IGSF11: variants seen among roughly 807,000 people sequenced by gnomAD.
The protein encoded by IGSF11 is CXADR like 1.
Under a neutral mutation model 41.0 loss-of-function variants are expected in IGSF11, and 22 were observed. That is an observed-to-expected ratio of 0.54 (90% CI 0.38 to 0.77). The LOEUF (loss-of-function observed/expected upper bound fraction) is 0.77, where lower values mean the gene tolerates loss of function less well. Among genes scored for constraint, IGSF11 ranks in the 30% least tolerant of loss-of-function variants. The pLI, the probability that IGSF11 is intolerant of heterozygous loss-of-function variation, is 0.00. For synonymous variants in IGSF11, 219 were observed against 201.3 expected (o/e 1.09, Z -0.74); for missense variants, 444 against 530.8 (o/e 0.84, Z 1.61).
chr3:119,091,994 G>GC (rs1491453835), intron 1 of IGSF11, among the ~76,000 whole-genome samples: 2 of 24,332 alleles, frequency 8.2e-5, no homozygotes, highest in Non-Finnish European at 2.0e-4. Context: ...TGGTTTTTTT[G>GC]GGGGGGGGGG....
At chr3:119,126,570 G>T (rs970542035) in intron 1 of IGSF11, among the ~76,000 whole-genome samples, 1 of 152,184 alleles carries the variant, frequency 6.6e-6, no homozygotes, top group Admixed American at 6.5e-5. Context: ...AACTGGGTGA[G>T]GCACTCCAAC....
chr3:118,935,122 T>C (rs532481334), intron 1 of IGSF11, among the ~76,000 whole-genome samples: 2 of 151,540 alleles, frequency 1.3e-5, no homozygotes, highest in East Asian at 3.9e-4. Context: ...CAAATCCTCA[T>C]TAGTATACTG....
chr3:119,087,093 G>A (rs1029910928), intron 1 of IGSF11, among the ~76,000 whole-genome samples: 1 of 152,132 alleles, frequency 6.6e-6, no homozygotes, highest in Non-Finnish European at 1.5e-5. Context: ...AAAAGAGCAG[G>A]AGTTGCTATT....
chr3:118,910,521 C>G (rs982969097), intron 4 of IGSF11, among the ~76,000 whole-genome samples: 2 of 152,188 alleles, frequency 1.3e-5, no homozygotes, highest in East Asian at 1.9e-4. Context: ...ATTAACAAAG[C>G]CTTCCATTTA....
chr3:119,083,391 C>T (rs1270857024), intron 1 of IGSF11, among the ~76,000 whole-genome samples: 2 of 152,110 alleles, frequency 1.3e-5, no homozygotes, highest in Non-Finnish European at 2.9e-5. Context: ...GCATGGGCCA[C>T]TGCACCTGGT....
At chr3:118,930,330 C>T in intron 1 of IGSF11, 55 bp from the exon 2 acceptor site, 1 of 1,521,780 alleles carries the variant, frequency 6.6e-7, no homozygotes, top group East Asian at 2.3e-5. Context: ...ACAGTCCAAA[C>T]TCCTTCAGGA....
intron 4 of IGSF11, among the ~76,000 whole-genome samples, chr3:118,924,606 A>G (rs1942124869): frequency 6.6e-6 from 1 of 152,152 alleles, no homozygotes; most frequent in Non-Finnish European, 1.5e-5. Flanking sequence ...TGCAAAGAGT[A>G]TTCAAGTTGA....
chr3:119,020,399 A>G (rs1576662421), intron 1 of IGSF11, among the ~76,000 whole-genome samples: 1 of 152,144 alleles, frequency 6.6e-6, no homozygotes, highest in East Asian at 1.9e-4. Flanking sequence ...CAGCATACAG[A>G]CTCCAAAGAA....
At chr3:119,007,609 C>A (rs1429309414) in intron 1 of IGSF11, among the ~76,000 whole-genome samples, 2 of 152,064 alleles carry the variant, frequency 1.3e-5, no homozygotes, top group Admixed American at 1.3e-4. Context: ...CTCAGAGTAT[C>A]CACTTTTTCA....
At chr3:119,024,755 T>C (rs573653929) in intron 1 of IGSF11, among the ~76,000 whole-genome samples, 4 of 152,150 alleles carry the variant, frequency 2.6e-5, no homozygotes, top group Non-Finnish European at 4.4e-5. Flanking sequence ...TAACCTAGTA[T>C]AGTTAAAATT....
chr3:118,994,383 A>C (rs1296083162), intron 1 of IGSF11, among the ~76,000 whole-genome samples: 5 of 152,218 alleles, frequency 3.3e-5, no homozygotes, highest in African/African-American at 1.2e-4. Context: ...GGGGCTGGGC[A>C]CAGTGGCTCA....
intron 1 of IGSF11, among the ~76,000 whole-genome samples, chr3:119,023,804 A>G (rs981498921): frequency 2.1e-4 from 32 of 152,220 alleles, no homozygotes; most frequent in African/African-American, 7.7e-4. Flanking sequence ...AGAGAATCTG[A>G]GCTGAGAACT....
At chr3:119,039,650 ATCT>A (rs1178297321), upstream of IGSF11, among the ~76,000 whole-genome samples, 4 of 152,094 alleles carry the variant, frequency 2.6e-5, no homozygotes, top group African/African-American at 7.2e-5. Flanking sequence ...CTCTGACCAC[ATCT>A]TCTGTTTTTC....
In IGSF11 at chr3:118,928,394, G is replaced by A. The variant is rs115544273; in HGVS notation, c.424+115C>T. The stretch of plus-strand genomic sequence containing the variant: ...GAGAGAAGAGATGGAACTGAGAGAA[G>A]ACAGAAAAAGAACATAAGCAGACTG... On this transcript the variant is annotated intron_variant, in intron 3 of 6. Coordinates refer to ENST00000393775, the MANE Select transcript of IGSF11 (RefSeq NM_001015887.3). The A allele has an allele frequency of 4.2e-6, 3 of 715,292 alleles. No homozygotes were observed. The Admixed American group carries it at 7.6e-5, about 18-fold the overall frequency. The allele number at this position is 715,292 out of a possible 1,614,324, so 44.3% of individuals were successfully genotyped here.
chr3:118,926,379 G>T, intron 3 of IGSF11, 123 bp from the exon 4 acceptor site: 1 of 757,574 alleles, frequency 1.3e-6, no homozygotes, highest in Non-Finnish European at 2.0e-6. Context: ...CATATACCAG[G>T]AGACAGACTC....
intron 4 of IGSF11, among the ~76,000 whole-genome samples, chr3:118,908,441 GAA>G (rs1182432440): frequency 6.6e-6 from 1 of 152,182 alleles, no homozygotes; most frequent in East Asian, 1.9e-4. Context: ...GCAAAATAGA[GAA>G]GAGAGCAACT....
At chr3:119,105,622 T>C (rs1055832648), upstream of IGSF11, among the ~76,000 whole-genome samples, 1 of 152,212 alleles carries the variant, frequency 6.6e-6, no homozygotes, top group Non-Finnish European at 1.5e-5. Context: ...TTTAGTAATT[T>C]AAAACTTCCT....
At chr3:119,058,891 A>G (rs891639692) in intron 1 of IGSF11, among the ~76,000 whole-genome samples, 1 of 151,720 alleles carries the variant, frequency 6.6e-6, no homozygotes, top group Non-Finnish European at 1.5e-5. Context: ...ACCAAACACC[A>G]CATGTTCTCA....
intron 1 of IGSF11, among the ~76,000 whole-genome samples, chr3:118,945,421 C>A (rs992225454): frequency 6.6e-6 from 1 of 152,066 alleles, no homozygotes; most frequent in Admixed American, 6.6e-5. Flanking sequence ...TGCTTTCCAC[C>A]CTGTCACCTC....
Sources: allele counts gnomAD v4.1 joint callset (sites outside exome capture counted in the v4.1 genomes callset), GRCh38; gene constraint gnomAD v4.1.1; transcripts MANE v1.5; gene names NCBI Gene and HGNC (gene_info 2026-07-23, HGNC 2026-07-21).